CNTNAP4: variants seen among roughly 807,000 people sequenced by gnomAD.
The protein encoded by CNTNAP4 is contactin-associated protein-like 4.
A neutral mutation model predicts 148.4 loss-of-function variants in CNTNAP4; 98 were observed. The ratio of observed to expected loss-of-function variants is 0.66; its 90% CI spans 0.56 to 0.78. The LOEUF is 0.78. Among genes scored for constraint, CNTNAP4 ranks in the 30% least tolerant of loss-of-function variants. The probability of loss-of-function intolerance (pLI) is 0.00; values close to 1 mark genes in which losing one functional copy is unlikely to be tolerated. For missense variants in CNTNAP4, 1,935 were observed against 1,565.6 expected, an observed-to-expected ratio of 1.24 and a Z score of -3.98; for synonymous variants, 730 against 565.1, an observed-to-expected ratio of 1.29 and a Z score of -4.14.
At chr16:76,316,216 C>T in intron 1 of CNTNAP4, 197 bp from the exon 2 acceptor site, 5 of 601,508 alleles carry the variant, frequency 8.3e-6, no homozygotes, top group Admixed American at 2.8e-5. Context: ...TTTTCATATT[C>T]TCCTGTCTTT....
At position 76,389,806 on chromosome 16, in the gene CNTNAP4, C is replaced by T. The variant is rs148650544; in HGVS notation, c.390+34295C>T. Among the ~76,000 whole-genome samples the T allele has an allele frequency of 3.3e-5, 5 of 152,174 alleles. No individual in the cohort carries two copies. The East Asian group carries it at 9.7e-4, about 29-fold the overall frequency. On this transcript the variant is annotated intron_variant, in intron 3 of 23. Transcript: ENST00000611870. ...GGGAACCCGATCTCAGAATAGTGGC[C>T]TATTCTGTCCTCAGATATTCTAATT...
intron 2 of CNTNAP4, among the ~76,000 whole-genome samples, chr16:76,351,985 A>G (rs182076765): frequency 6.6e-6 from 1 of 152,316 alleles, no homozygotes; most frequent in Non-Finnish European, 1.5e-5. Flanking sequence ...CCAGCTTTAG[A>G]CCATTACAAT....
At chr16:76,437,253 C>G (rs531997017) in intron 4 of CNTNAP4, among the ~76,000 whole-genome samples, 3 of 152,030 alleles carry the variant, frequency 2.0e-5, no homozygotes, top group Non-Finnish European at 4.4e-5. Context: ...AAGGGTGGGT[C>G]TGCCTTCCCC....
chr16:76,452,808 G>A (rs773108997), intron 8 of CNTNAP4, 39 bp downstream of exon 8: 2 of 1,477,520 alleles, frequency 1.4e-6, no homozygotes, highest in Non-Finnish European at 9.0e-7. Flanking sequence ...ATATGGATTT[G>A]AAAGATTTCA....
At position 76,444,376 on chromosome 16, in the gene CNTNAP4, T is replaced by A. The variant is rs566378872; in HGVS notation, c.539-3636T>A. ...AATAATCTTTACCTGTTAGAAGATG[T>A]TCTACAATGACATTGAGAAGATGTG... On this transcript the variant is annotated intron_variant, in intron 4 of 23. Coordinates refer to ENST00000611870, the MANE Select transcript of CNTNAP4 (RefSeq NM_033401.5). 9.2e-5 allele frequency among the ~76,000 whole-genome samples: 14 copies of A among 152,042 alleles called. No individual in the cohort carries two copies. The East Asian group carries it at 2.7e-3, about 29-fold the overall frequency.
chr16:76,361,069 TGCCTCAACCTCCCAAAGTGCTG>T (rs2013376416), intron 3 of CNTNAP4, among the ~76,000 whole-genome samples: 1 of 151,972 alleles, frequency 6.6e-6, no homozygotes, highest in East Asian at 1.9e-4. Flanking sequence ...GTGGTCCGCC[TGCCTCAACCTCCCAAAGTGCTG>T]GGATTACAGG....
At position 76,468,045 on chromosome 16, in the gene CNTNAP4, T is replaced by C. The variant is rs377473798; in HGVS notation, c.1655+522T>C. Reference sequence around the variant, plus strand: ...TCTGGAGGGAAAATGAAAATGAACTTCTCTAGAGAAGCTTGGGGTTGTGGT... The same window carrying C: ...TCTGGAGGGAAAATGAAAATGAACTCCTCTAGAGAAGCTTGGGGTTGTGGT... On this transcript the variant is annotated intron_variant, in intron 10 of 23. Transcript: ENST00000611870. 9.9e-5 allele frequency among the ~76,000 whole-genome samples: 15 copies of C among 152,088 alleles called. 1 individual carries two copies. The highest frequency in any genetic ancestry group is 6.5e-4 in the Admixed American group (10 of 15,274).
chr16:76,370,472 T>G (rs993138183), intron 3 of CNTNAP4, among the ~76,000 whole-genome samples: 1 of 152,174 alleles, frequency 6.6e-6, no homozygotes, highest in Non-Finnish European at 1.5e-5. Flanking sequence ...AGTAGCAGCC[T>G]GAGGCAGAGC....
intron 9 of CNTNAP4, among the ~76,000 whole-genome samples, chr16:76,463,086 C>T (rs1244764707): frequency 6.6e-6 from 1 of 152,182 alleles, no homozygotes; most frequent in Non-Finnish European, 1.5e-5. Flanking sequence ...TTAGGGCCAA[C>T]AATCTGAAAA....
intron 8 of CNTNAP4, among the ~76,000 whole-genome samples, chr16:76,459,986 T>C (rs1267292035): frequency 1.3e-5 from 2 of 152,238 alleles, no homozygotes; most frequent in African/African-American, 4.8e-5. Flanking sequence ...TTAGCAACTT[T>C]TGACTTTATA....
chr16:76,290,186 G>A (rs777331037), intron 1 of CNTNAP4, among the ~76,000 whole-genome samples: 7 of 152,070 alleles, frequency 4.6e-5, no homozygotes, highest in Non-Finnish European at 1.0e-4. Context: ...AATTTAGAAG[G>A]TGCTTCCAAA....
At chr16:76,296,412 T>C (rs1386362272) in intron 1 of CNTNAP4, among the ~76,000 whole-genome samples, 1 of 152,198 alleles carries the variant, frequency 6.6e-6, no homozygotes, top group Admixed American at 6.5e-5. Context: ...TTCAATGCTT[T>C]GGGAAAGATA....
intron 3 of CNTNAP4, among the ~76,000 whole-genome samples, chr16:76,357,034 AAAAC>A (rs1175990017): frequency 8.7e-5 from 13 of 149,956 alleles, no homozygotes; most frequent in South Asian, 2.1e-4. Flanking sequence ...AGAGGAAAAA[AAAAC>A]AAACAAAACA....
intron 18 of CNTNAP4, among the ~76,000 whole-genome samples, chr16:76,536,532 G>C (rs2084222437): frequency 1.3e-5 from 2 of 152,086 alleles, no homozygotes; most frequent in Admixed American, 1.3e-4. Context: ...ATTCAACAAT[G>C]CAAGGATATT....
chr16:76,394,566 T>TC, intron 3 of CNTNAP4, among the ~76,000 whole-genome samples: 2 of 152,248 alleles, frequency 1.3e-5, no homozygotes, highest in South Asian at 4.1e-4. Flanking sequence ...TAGGCTTTTT[T>TC]CCCCCTTCTC....
intron 3 of CNTNAP4, among the ~76,000 whole-genome samples, chr16:76,415,202 A>C (rs961891592): frequency 6.6e-6 from 1 of 151,200 alleles, no homozygotes; most frequent in Non-Finnish European, 1.5e-5. Flanking sequence ...AATTATACTG[A>C]ATGCTATTTG....
chr16:76,316,609 C>A, intron 2 of CNTNAP4, 86 bp downstream of exon 2: 1 of 859,690 alleles, frequency 1.2e-6, no homozygotes, highest in Non-Finnish European at 1.9e-6. Flanking sequence ...ATGAATGATA[C>A]ATGGTAAAAG....
At chr16:76,528,195 T>C (rs1389793972) in intron 17 of CNTNAP4, among the ~76,000 whole-genome samples, 1 of 152,230 alleles carries the variant, frequency 6.6e-6, no homozygotes, top group Non-Finnish European at 1.5e-5. Context: ...ATTTAAATTA[T>C]ATTCTCCATC....
chr16:76,554,043 G>T, intron 23 of CNTNAP4, 136 bp downstream of exon 23: 2 of 547,670 alleles, frequency 3.7e-6, no homozygotes, highest in East Asian at 3.2e-5. Context: ...TCATTGGGGT[G>T]ATTTACTATT....
Sources: allele counts gnomAD v4.1 joint callset (sites outside exome capture counted in the v4.1 genomes callset), GRCh38; gene constraint gnomAD v4.1.1; transcripts MANE v1.5; gene names NCBI Gene and HGNC (gene_info 2026-07-23, HGNC 2026-07-21).